The following ZNF544 variants were observed in gnomAD, a reference collection of about 807,000 sequenced individuals.
ZNF544 encodes the protein zinc finger protein 544.
Under a neutral mutation model 13.5 loss-of-function variants are expected in ZNF544, and 10 were observed. The observed-to-expected ratio is 0.74, with a 90% CI of 0.46 to 1.25. The LOEUF is 1.25. ZNF544 is among the 50% of genes most tolerant of loss of function. The pLI is 0.00. For synonymous variants in ZNF544, 323 were observed against 300.5 expected (o/e 1.07, Z -0.77); for missense variants, 896 against 845.6 (o/e 1.06, Z -0.74).
chr19:58,268,831 G>C (rs117783409), downstream of ZNF544, among the ~76,000 whole-genome samples: 5 of 152,196 alleles, frequency 3.3e-5, no homozygotes, highest in Non-Finnish European at 5.9e-5. Context: ...GACATAGAAC[G>C]TACTACGTGC....
rs765729981 is a variant in ZNF544, at chr19:58,262,524, G to C, written c.1918G>C (p.Ala640Pro). ...KPYKCNQCNK[A>P]FARSSYLVMH... Reference sequence around the variant, plus strand: ...GTACAAATGCAATCAGTGCAATAAAGCCTTTGCAAGGAGCTCCTACCTTGT... The same window carrying C: ...GTACAAATGCAATCAGTGCAATAAACCCTTTGCAAGGAGCTCCTACCTTGT... The change falls in exon 7 of 7, where the codon GCC becomes CCC. Residue 640 changes from alanine (A) to proline (P), a missense_variant. By Grantham distance (27) the Ala-to-Pro change is conservative. Coordinates refer to ENST00000687789, the MANE Select transcript of ZNF544 (RefSeq NM_014480.4). 2 of 1,614,192 alleles carry C rather than the reference G, an allele frequency of 1.2e-6. No homozygotes were observed. Among genetic ancestry groups the C allele is most frequent in the Non-Finnish European group, 1.7e-6 (2 of 1,180,030 alleles).
At chr19:58,264,742 G>A (rs148696544), downstream of ZNF544, among the ~76,000 whole-genome samples, 1,479 of 152,190 alleles carry the variant, frequency 9.7e-3, 14 homozygotes, top group Non-Finnish European at 0.014. Context: ...AATGGCTCAT[G>A]CCTGTAATCC....
At chr19:58,246,044 T>G (rs2045125180) in intron 4 of ZNF544, among the ~76,000 whole-genome samples, 1 of 152,192 alleles carries the variant, frequency 6.6e-6, no homozygotes, top group Non-Finnish European at 1.5e-5. Flanking sequence ...GTTGGTCTGG[T>G]TGGGGCCTGC....
At chr19:58,273,794 T>C (rs1447647189) in intron 5 of ZNF544, among the ~76,000 whole-genome samples, 1 of 151,918 alleles carries the variant, frequency 6.6e-6, no homozygotes, top group African/African-American at 2.4e-5. Context: ...AAACAGTTTT[T>C]GTTTTGTTTT....
chr19:58,268,053 A>G (rs2066564395), downstream of ZNF544, among the ~76,000 whole-genome samples: 1 of 152,102 alleles, frequency 6.6e-6, no homozygotes, highest in East Asian at 1.9e-4. Context: ...TAATCCCAAC[A>G]CTTTGGGAGG....
At chr19:58,274,407 G>A (rs1024894683) in intron 5 of ZNF544, among the ~76,000 whole-genome samples, 4 of 152,124 alleles carry the variant, frequency 2.6e-5, no homozygotes. Context: ...CAGGGAAAAT[G>A]ACATTTGAAG....
At chr19:58,241,793 A>G (rs553006001) in intron 3 of ZNF544, among the ~76,000 whole-genome samples, 2 of 152,080 alleles carry the variant, frequency 1.3e-5, no homozygotes, top group Non-Finnish European at 2.9e-5. Context: ...CACCACGCCC[A>G]GCCTACATTC....
At chr19:58,263,682 T>A, downstream of ZNF544, 1 of 656,594 alleles carries the variant, frequency 1.5e-6, no homozygotes, top group Non-Finnish European at 1.9e-6. Flanking sequence ...CACAGGTGAG[T>A]GGGCATGGTG....
chr19:58,253,970 G>A lies in ZNF544; in HGVS notation c.245-6881G>A, dbSNP rs538764699. Among the ~76,000 whole-genome samples the A allele has an allele frequency of 8.9e-4, 135 of 152,210 alleles. 1 individual carries two copies. Among genetic ancestry groups the A allele is most frequent in the African/African-American group, 3.0e-3 (126 of 41,548 alleles). ...AGATTTACTTAAGTCGGCTGGGTGC[G>A]GTGGCTCACGCCTGTAATCCCAGGC... On this transcript the variant is annotated intron_variant, in intron 6 of 6. Transcript: ENST00000687789.
intron 3 of ZNF544, 86 bp from the exon 4 acceptor site, chr19:58,243,879 C>G (rs2043983458): frequency 2.7e-6 from 3 of 1,124,782 alleles, no homozygotes; most frequent in Non-Finnish European, 3.6e-6. Flanking sequence ...CTGCTTGTGG[C>G]CGGCCCCGCG....
intron 5 of ZNF544, among the ~76,000 whole-genome samples, chr19:58,275,560 G>A (rs956812940): frequency 1.3e-5 from 2 of 151,674 alleles, no homozygotes; most frequent in African/African-American, 4.8e-5. Flanking sequence ...TGTAATTCCA[G>A]CACTTTGGGA....
In ZNF544 at chr19:58,246,820, G is replaced by C. The variant is rs746937396; in HGVS notation, c.244+26G>C. Reference sequence around the variant, plus strand: ...GTAAGAGCAGACCTTGTGGTGAGCAGCTCAACGTTTAACAAGCTTGGACAG... The same window carrying C: ...GTAAGAGCAGACCTTGTGGTGAGCACCTCAACGTTTAACAAGCTTGGACAG... On this transcript the variant is annotated intron_variant, in intron 6 of 6. Coordinates refer to ENST00000687789, the MANE Select transcript of ZNF544 (RefSeq NM_014480.4). 4 of 1,608,174 alleles carry C rather than the reference G, an allele frequency of 2.5e-6. No individual in the cohort carries two copies. The East Asian group carries it at 8.9e-5, about 36-fold the overall frequency.
intron 4 of ZNF544, among the ~76,000 whole-genome samples, chr19:58,245,184 C>T (rs2044835918): frequency 1.3e-5 from 2 of 151,696 alleles, no homozygotes; most frequent in South Asian, 4.2e-4. Context: ...AAGTAATCCA[C>T]CCATCTCGGC....
At chr19:58,243,525 C>T (rs943362555) in intron 3 of ZNF544, among the ~76,000 whole-genome samples, 17 of 152,008 alleles carry the variant, frequency 1.1e-4, no homozygotes, top group African/African-American at 3.9e-4. Context: ...GAGGGCATCC[C>T]TGTACAACAC....
At chr19:58,241,719 G>A (rs375469132) in intron 3 of ZNF544, among the ~76,000 whole-genome samples, 4 of 151,862 alleles carry the variant, frequency 2.6e-5, no homozygotes, top group Middle Eastern at 3.4e-3. Context: ...AGATGGTCTC[G>A]ACCTCCTGAC....
At chr19:58,256,953 ACT>A (rs1491425843) in intron 6 of ZNF544, among the ~76,000 whole-genome samples, 5 of 151,940 alleles carry the variant, frequency 3.3e-5, no homozygotes, top group Non-Finnish European at 5.9e-5. Context: ...TTTCAGTCTC[ACT>A]CTGTTGCCCA....
chr19:58,269,815 G>A (rs1457364334), intron 5 of ZNF544, among the ~76,000 whole-genome samples: 1 of 152,070 alleles, frequency 6.6e-6, no homozygotes, highest in African/African-American at 2.4e-5. Context: ...CAGCTACTCA[G>A]GAGGCTGACG....
downstream of ZNF544, chr19:58,267,512 A>C (rs367679027): frequency 3.3e-5 from 5 of 150,962 alleles, no homozygotes; most frequent in African/African-American, 9.7e-5. Context: ...CAGCCTGATC[A>C]ACATGGTGAA....
At chr19:58,277,337 C>T (rs2051290198) in exon 7 of ZNF544, 5 of 1,053,804 alleles carry the variant, frequency 4.7e-6, no homozygotes, top group South Asian at 4.8e-5. Context: ...CCACTGGTAA[C>T]GTCTTCACCC....
Sources: allele counts gnomAD v4.1 joint callset (sites outside exome capture counted in the v4.1 genomes callset), GRCh38; gene constraint gnomAD v4.1.1; transcripts MANE v1.5; gene names NCBI Gene and HGNC (gene_info 2026-07-23, HGNC 2026-07-21).